Variants in ERI3 observed in about 807,000 individuals in gnomAD.
The protein encoded by ERI3 is ERI1 exoribonuclease 3.
Under a neutral mutation model 44.4 loss-of-function variants are expected in ERI3, and 18 were observed. The ratio of observed to expected loss-of-function variants is 0.41; its 90% CI spans 0.28 to 0.60. The LOEUF (loss-of-function observed/expected upper bound fraction) is 0.60, where lower values mean the gene tolerates loss of function less well. Among genes scored for constraint, ERI3 ranks in the 20% least tolerant of loss-of-function variants. The pLI is 0.36. For synonymous variants in ERI3, 183 were observed against 164.8 expected, an observed-to-expected ratio of 1.11 and a Z score of -0.84; for missense variants, 294 against 435.5, an observed-to-expected ratio of 0.68 and a Z score of 2.89.
rs1473739056 is a variant in ERI3, at chr1:44,252,401, C to T, written c.832-4363G>A. ...CCCCATTAGCTTAGTGGCCAGCCATCTGCGACGGGCCTGCCGCATAGCCCT... is the reference window on the plus strand; with the variant it reads ...CCCCATTAGCTTAGTGGCCAGCCATTTGCGACGGGCCTGCCGCATAGCCCT... On this transcript the variant is annotated intron_variant, in intron 7 of 8. Coordinates refer to ENST00000372257, the MANE Select transcript of ERI3 (RefSeq NM_024066.3). The surrounding 1 kb of genome is among the most constrained non-coding windows in gnomAD (Gnocchi z 4.7). 1.3e-5 allele frequency among the ~76,000 whole-genome samples: 2 copies of T among 152,254 alleles called. No individual in the cohort carries two copies. The highest frequency in any genetic ancestry group is 3.9e-4 in the East Asian group (2 of 5,194).
intron 8 of ERI3, among the ~76,000 whole-genome samples, chr1:44,223,965 A>G (rs982658968): frequency 1.3e-5 from 2 of 152,164 alleles, no homozygotes; most frequent in Admixed American, 6.5e-5. Flanking sequence ...ATCACGAGCT[A>G]ATTTTCTCTC....
Position 44,258,604 on chromosome 1 carries a change from TAGA to T in ERI3, c.832-10569_832-10567del, listed in dbSNP as rs1253664628. 1.2e-4 allele frequency among the ~76,000 whole-genome samples: 18 copies of T among 152,160 alleles called. No individual in the cohort carries two copies. In the East Asian group the frequency reaches 3.5e-3, roughly 30 times the overall value. ...CACTGCCCTCAAGGAGCTCCCAGGC[TAGA>T]AGGAGAGACATGTAAACATATTTGC... On this transcript the variant is annotated intron_variant, in intron 7 of 8. Coordinates refer to ENST00000372257, the MANE Select transcript of ERI3 (RefSeq NM_024066.3).
intron 4 of ERI3, among the ~76,000 whole-genome samples, chr1:44,318,187 T>A (rs752166862): frequency 5.9e-5 from 9 of 152,212 alleles, no homozygotes; most frequent in Non-Finnish European, 1.0e-4. Flanking sequence ...CATCCACTCC[T>A]GCCCAGGGTC....
chr1:44,226,778 A>AACACACACACACACACACACACACACAC (rs60011057), intron 8 of ERI3, among the ~76,000 whole-genome samples: 1 of 143,374 alleles, frequency 7.0e-6, no homozygotes, highest in African/African-American at 2.6e-5. Context: ...AGCATTATTA[A>AACACACACACACACACACACACACACAC]ACACACACAC....
At chr1:44,285,174 T>A (rs563946542) in intron 6 of ERI3, among the ~76,000 whole-genome samples, 1 of 152,332 alleles carries the variant, frequency 6.6e-6, no homozygotes, top group South Asian at 2.1e-4. Context: ...CCTAATGGCT[T>A]ACAGTATGCC....
intron 6 of ERI3, among the ~76,000 whole-genome samples, chr1:44,290,501 G>T (rs111791552): frequency 6.6e-6 from 1 of 152,156 alleles, no homozygotes; most frequent in Non-Finnish European, 1.5e-5. Context: ...TAACTGCCAC[G>T]ATTTCCTATG....
chr1:44,338,488 G>T (rs1470614985), intron 3 of ERI3, among the ~76,000 whole-genome samples: 2 of 152,230 alleles, frequency 1.3e-5, no homozygotes, highest in Non-Finnish European at 1.5e-5. Context: ...AGGGCTGCTT[G>T]AGTGTCCTGG....
rs778774906 is a variant in ERI3 at position 44,339,136 on chromosome 1, G to A, written c.398C>T (p.Ala133Val). 2.4e-5 allele frequency: 39 copies of A among 1,613,916 alleles called. No individual in the cohort carries two copies. Among genetic ancestry groups the A allele is most frequent in the Non-Finnish European group, 3.1e-5 (37 of 1,180,020 alleles). Residue 133 changes from alanine (A) to valine (V), a missense_variant, in exon 3 of 9, where the codon GCG (alanine) becomes GTG (valine). Coordinates refer to ENST00000372257, the MANE Select transcript of ERI3 (RefSeq NM_024066.3). ...LAAHGFGASMAAMVSFPPQRY... is the reference protein window; with the variant it reads ...LAAHGFGASMVAMVSFPPQRY... ...CTGGGGAGGGAAGGACACCATTGCC[G>A]CCATGGATGCGCCAAAGCCGTGGGC...
intron 8 of ERI3, among the ~76,000 whole-genome samples, chr1:44,242,286 T>A (rs914927577): frequency 6.6e-6 from 1 of 152,174 alleles, no homozygotes; most frequent in Admixed American, 6.5e-5. Flanking sequence ...GCAGGCAAGG[T>A]ACCTCTCTGG....
intron 8 of ERI3, among the ~76,000 whole-genome samples, chr1:44,222,676 G>C (rs1393156125): frequency 2.0e-5 from 3 of 152,128 alleles, no homozygotes; most frequent in Non-Finnish European, 4.4e-5. Flanking sequence ...CTGAGTGCCT[G>C]AGTTTTTCTG....
At chr1:44,294,287 T>C (rs1645566957) in intron 6 of ERI3, among the ~76,000 whole-genome samples, 1 of 152,200 alleles carries the variant, frequency 6.6e-6, no homozygotes, top group African/African-American at 2.4e-5. Context: ...CTCAAATCCC[T>C]AGTGCCAAAG....
At chr1:44,261,239 G>A (rs773600537) in intron 7 of ERI3, among the ~76,000 whole-genome samples, 2 of 152,276 alleles carry the variant, frequency 1.3e-5, no homozygotes, top group African/African-American at 4.8e-5. Context: ...GGGTGGGCCG[G>A]CTGGCAGATC....
At chr1:44,339,708 T>G (rs770185934) in intron 2 of ERI3, among the ~76,000 whole-genome samples, 33 of 152,146 alleles carry the variant, frequency 2.2e-4, no homozygotes, top group Admixed American at 2.0e-4. Flanking sequence ...CAAAGTAACG[T>G]GAGGTGACCC....
chr1:44,281,588 G>GGAAAAA (rs1553189557), intron 7 of ERI3, among the ~76,000 whole-genome samples: 5 of 103,830 alleles, frequency 4.8e-5, no homozygotes, highest in Non-Finnish European at 5.8e-5. Context: ...ACCCCGTCTC[G>GGAAAAA]AAAAAAAAAA....
At chr1:44,308,065 T>C (rs1261068025) in intron 6 of ERI3, among the ~76,000 whole-genome samples, 4 of 152,214 alleles carry the variant, frequency 2.6e-5, no homozygotes, top group Non-Finnish European at 4.4e-5. Flanking sequence ...GGAAGGGCTG[T>C]CATGAGCAGT....
chr1:44,300,932 A>T (rs1645711672), intron 6 of ERI3, among the ~76,000 whole-genome samples: 1 of 152,082 alleles, frequency 6.6e-6, no homozygotes, highest in Admixed American at 6.5e-5. Flanking sequence ...TTCTTTAATT[A>T]ATGGCATCCC....
chr1:44,352,956 T>C lies in ERI3; in HGVS notation c.136-31A>G, dbSNP rs781401406. 2.5e-5 allele frequency: 40 copies of C among 1,613,112 alleles called. No individual in the cohort carries two copies. In the South Asian group the frequency reaches 4.1e-4, roughly 16 times the overall value. ...GATAAATACACATCTCTGCAACAAG[T>C]CTATTTCAATACCAAGGATCAAATC... On this transcript the variant is annotated intron_variant, in intron 1 of 8. Transcript: ENST00000372257.
chr1:44,248,927 T>TG (rs112775108), intron 7 of ERI3, among the ~76,000 whole-genome samples: 297 of 150,364 alleles, frequency 2.0e-3, no homozygotes, highest in Middle Eastern at 0.01. Flanking sequence ...AACCTCCACC[T>TG]GGGGGGGGGA....
chr1:44,335,107 AGGT>A (rs1646505795), intron 3 of ERI3, among the ~76,000 whole-genome samples: 1 of 152,168 alleles, frequency 6.6e-6, no homozygotes, highest in South Asian at 2.1e-4. Flanking sequence ...TAGGAGGCCG[AGGT>A]GGAAGTATCA....
Sources: allele counts gnomAD v4.1 joint callset (sites outside exome capture counted in the v4.1 genomes callset), GRCh38; gene constraint gnomAD v4.1.1; non-coding constraint Gnocchi (gnomAD v3.1); transcripts MANE v1.5; gene names NCBI Gene and HGNC (gene_info 2026-07-23, HGNC 2026-07-21).